The following TTC28 variants were observed in gnomAD, a reference collection of about 807,000 sequenced individuals.
The protein encoded by TTC28 is tetratricopeptide repeat domain 28.
TTC28 carries 61 observed loss-of-function variants against 198.0 expected under a neutral mutation model. The ratio of observed to expected loss-of-function variants is 0.31; its 90% CI spans 0.25 to 0.38. The LOEUF (loss-of-function observed/expected upper bound fraction) is 0.38, where lower values mean the gene tolerates loss of function less well. Among genes scored for constraint, TTC28 ranks in the 10% least tolerant of loss-of-function variants. The pLI, the probability that TTC28 is intolerant of heterozygous loss-of-function variation, is 1.00. For synonymous variants in TTC28, 1,171 were observed against 1,297.8 expected (o/e 0.90, Z 2.10); for missense variants, 2,678 against 3,164.0 (o/e 0.85, Z 3.69).
chr22:28,505,509 AC>A (rs2048599585), intron 2 of TTC28, among the ~76,000 whole-genome samples: 1 of 151,912 alleles, frequency 6.6e-6, no homozygotes, highest in African/African-American at 2.4e-5. Context: ...AGGAACCCCC[AC>A]CCCCAGCCAA....
intron 2 of TTC28, among the ~76,000 whole-genome samples, chr22:28,520,693 G>A (rs549538860): frequency 6.6e-6 from 1 of 152,134 alleles, no homozygotes; most frequent in South Asian, 2.1e-4. Context: ...AGTAGTTCAA[G>A]GCTGCAGTGA....
In TTC28 at chr22:28,502,407, G is replaced by A. The variant is rs59570429; in HGVS notation, c.381+127145C>T. ...TGTAATCCCAGCACTTTGGGAGGCC[G>A]AGGAGGCCGGATCATGAGGTCAGGA... On this transcript the variant is annotated intron_variant, in intron 2 of 22. Transcript: ENST00000397906. Among the ~76,000 whole-genome samples, 1,239 of 152,070 alleles carry A rather than the reference G, an allele frequency of 8.1e-3. 21 individuals are homozygous for A. The highest frequency in any genetic ancestry group is 0.028 in the African/African-American group (1,177 of 41,458).
At chr22:28,631,059 T>C (rs1374886712) in intron 1 of TTC28, among the ~76,000 whole-genome samples, 3 of 152,114 alleles carry the variant, frequency 2.0e-5, no homozygotes, top group African/African-American at 2.4e-5. Flanking sequence ...TTTAATACTA[T>C]AGTGTGCTAC....
chr22:28,462,706 C>T lies in TTC28; in HGVS notation c.382-156063G>A, dbSNP rs536883313. Among the ~76,000 whole-genome samples the T allele has an allele frequency of 1.1e-3, 161 of 152,150 alleles. 3 individuals carry two copies. Among genetic ancestry groups the T allele is most frequent in the Non-Finnish European group, 1.0e-3 (70 of 67,996 alleles). Reference sequence around the variant, plus strand: ...AATTAGTAATAAAAATTGAGAATACCTGTAGTAAGAGAAGATTGGCATCTC... The same window carrying T: ...AATTAGTAATAAAAATTGAGAATACTTGTAGTAAGAGAAGATTGGCATCTC... On this transcript the variant is annotated intron_variant, in intron 2 of 22. Coordinates refer to ENST00000397906, the MANE Select transcript of TTC28 (RefSeq NM_001145418.2).
At chr22:28,234,091 T>A (rs1358177672) in intron 5 of TTC28, among the ~76,000 whole-genome samples, 2 of 151,628 alleles carry the variant, frequency 1.3e-5, no homozygotes, top group Admixed American at 6.6e-5. Flanking sequence ...GATTTTTTAG[T>A]AGAGACAGGT....
Position 28,280,727 on chromosome 22 carries a change from T to C in TTC28, c.933+15471A>G, listed in dbSNP as rs182625239. On this transcript the variant is annotated intron_variant, in intron 5 of 22. Coordinates refer to ENST00000397906, the MANE Select transcript of TTC28 (RefSeq NM_001145418.2). ...TGTAGGTCTGGGTTTCCATTTGATG[T>C]CATTTTCCTTCAGAATGGAAAATCT... Among the ~76,000 whole-genome samples, 181 of 152,346 alleles carry C rather than the reference T, an allele frequency of 1.2e-3. 1 individual carries two copies. The highest frequency in any genetic ancestry group is 4.1e-3 in the African/African-American group (171 of 41,584).
At chr22:28,026,192 A>T (rs1938825114) in intron 13 of TTC28, among the ~76,000 whole-genome samples, 1 of 152,036 alleles carries the variant, frequency 6.6e-6, no homozygotes, top group Non-Finnish European at 1.5e-5. Flanking sequence ...GCAGAGGGGG[A>T]AGGGGGCAGG....
chr22:28,131,805 C>T (rs1369309901), intron 6 of TTC28, among the ~76,000 whole-genome samples: 1 of 152,160 alleles, frequency 6.6e-6, no homozygotes, highest in Non-Finnish European at 1.5e-5. Flanking sequence ...GGGTTTAGCA[C>T]AGCTCCTGGA....
chr22:28,358,881 C>G (rs2046116979), intron 2 of TTC28, among the ~76,000 whole-genome samples: 1 of 152,144 alleles, frequency 6.6e-6, no homozygotes, highest in African/African-American at 2.4e-5. Flanking sequence ...ATTCTTTGCT[C>G]TGTCCTTCTT....
At chr22:28,441,443 A>C (rs1256920180) in intron 2 of TTC28, among the ~76,000 whole-genome samples, 2 of 152,182 alleles carry the variant, frequency 1.3e-5, no homozygotes, top group Non-Finnish European at 2.9e-5. Context: ...TAGTTCTCTC[A>C]ACCAAAGTGA....
At chr22:28,541,624 A>G (rs754220625) in intron 2 of TTC28, among the ~76,000 whole-genome samples, 4 of 152,210 alleles carry the variant, frequency 2.6e-5, no homozygotes, top group Admixed American at 6.5e-5. Flanking sequence ...AGAAAAATTA[A>G]TAAAGATTGC....
intron 2 of TTC28, among the ~76,000 whole-genome samples, chr22:28,501,907 C>T (rs1252792642): frequency 2.6e-5 from 4 of 151,928 alleles, no homozygotes; most frequent in Non-Finnish European, 4.4e-5. Flanking sequence ...TCTTTTGATG[C>T]GAAGAATTTT....
At chr22:28,146,749 C>T (rs1943479067) in intron 6 of TTC28, among the ~76,000 whole-genome samples, 1 of 151,844 alleles carries the variant, frequency 6.6e-6, no homozygotes, top group African/African-American at 2.4e-5. Context: ...TACAGAATAA[C>T]TGTTGTTTCA....
rs1938538968 is a variant in TTC28, at chr22:28,020,289, AG to A, written c.4074-5898del. ...GGACTGACAGCCTAGCTCTCAGCAGAGGATCTTCTCACCTCACTCTGTCTTT... is the reference window on the plus strand; with the variant it reads ...GGACTGACAGCCTAGCTCTCAGCAGAGATCTTCTCACCTCACTCTGTCTTT... On this transcript the variant is annotated intron_variant, in intron 13 of 22. Transcript: ENST00000397906. 5.3e-5 allele frequency among the ~76,000 whole-genome samples: 8 copies of A among 152,232 alleles called. No individual in the cohort carries two copies. In the South Asian group the frequency reaches 1.4e-3, roughly 28 times the overall value.
At chr22:28,352,144 G>A (rs775227590) in intron 2 of TTC28, among the ~76,000 whole-genome samples, 1 of 151,922 alleles carries the variant, frequency 6.6e-6, no homozygotes, top group South Asian at 2.1e-4. Flanking sequence ...TTTCACCAAT[G>A]ATCTATAAAC....
intron 15 of TTC28, chr22:28,000,044 A>G (rs1351949190): frequency 6.6e-6 from 1 of 152,132 alleles, no homozygotes; most frequent in African/African-American, 2.4e-5. Context: ...ATCAAAATAA[A>G]AGCTTTCTGA....
At chr22:28,640,324 GA>G (rs71194782) in intron 1 of TTC28, among the ~76,000 whole-genome samples, 6,855 of 129,250 alleles carry the variant, frequency 0.053, 214 homozygotes, top group African/African-American at 0.06. Flanking sequence ...GGGGGGGGGG[GA>G]AAGATGAGCA....
chr22:28,216,346 G>GT (rs1927398968), intron 5 of TTC28, among the ~76,000 whole-genome samples: 1 of 152,172 alleles, frequency 6.6e-6, no homozygotes. Context: ...TGCAAAGAAA[G>GT]TAAGAAAAGC....
chr22:28,544,143 C>T (rs1464527423), intron 2 of TTC28, among the ~76,000 whole-genome samples: 1 of 152,110 alleles, frequency 6.6e-6, no homozygotes, highest in Non-Finnish European at 1.5e-5. Context: ...ATCACTTGAA[C>T]CTGGGAGGAG....
Sources: allele counts gnomAD v4.1 joint callset (sites outside exome capture counted in the v4.1 genomes callset), GRCh38; gene constraint gnomAD v4.1.1; transcripts MANE v1.5; gene names NCBI Gene and HGNC (gene_info 2026-07-23, HGNC 2026-07-21).